SPTB: variants seen among roughly 807,000 people sequenced by gnomAD.
SPTB encodes the protein spectrin beta, erythrocytic.
A neutral mutation model predicts 256.2 loss-of-function variants in SPTB; 45 were observed. The observed-to-expected ratio is 0.18, with a 90% CI of 0.14 to 0.23. The LOEUF (loss-of-function observed/expected upper bound fraction) is 0.23, where lower values mean the gene tolerates loss of function less well. Among genes scored for constraint, SPTB ranks in the 10% least tolerant of loss-of-function variants. The pLI is 1.00. For missense variants in SPTB, 2,715 were observed against 3,040.4 expected (o/e 0.89, Z 2.52); for synonymous variants, 1,231 against 1,243.1 (o/e 0.99, Z 0.21).
At chr14:64,761,992 C>T (rs57066030) in intron 32 of SPTB, among the ~76,000 whole-genome samples, 9,086 of 152,088 alleles carry the variant, frequency 0.06, 950 homozygotes, top group African/African-American at 0.21. Flanking sequence ...TAGGAAGAGT[C>T]GTCAGAACAG....
Position 64,791,761 on chromosome 14 carries a change from C to T in SPTB, c.2762G>A (p.Arg921His), listed in dbSNP as rs147984790. 3.9e-5 allele frequency: 63 copies of T among 1,613,922 alleles called. No homozygotes were observed. The highest frequency in any genetic ancestry group is 4.9e-5 in the Non-Finnish European group (58 of 1,179,994). ...CTGGTACTGCTTCACCTCCCTGCTG[C>T]GTGGGTGGCCACTCTCTACCAAGCT... The part of the protein sequence containing the change: ...ANSLVESGHP[R>H]SREVKQYQDH... The change falls in exon 15 of 36, where the codon CGC (arginine) becomes CAC (histidine). Residue 921 changes from arginine (R) to histidine (H), a missense_variant. Physicochemically the swap from Arg to His is conservative, Grantham distance 29. Around this residue, in one of 4 missense-constraint regions of SPTB, gnomAD observed 2,239 missense variants for 2,384.4 expected, o/e 0.94. Transcript: ENST00000644917.
intron 1 of SPTB, among the ~76,000 whole-genome samples, chr14:64,858,580 G>A (rs1228688488): frequency 2.0e-5 from 3 of 152,062 alleles, no homozygotes; most frequent in Non-Finnish European, 4.4e-5. Flanking sequence ...CAAGTGAGTA[G>A]GAGAAAGCAG....
At chr14:64,871,968 T>G (rs1185118709) in intron 1 of SPTB, among the ~76,000 whole-genome samples, 1 of 152,220 alleles carries the variant, frequency 6.6e-6, no homozygotes, top group Non-Finnish European at 1.5e-5. Context: ...CTCCATCACA[T>G]AGTATAAACG....
intron 1 of SPTB, among the ~76,000 whole-genome samples, chr14:64,860,179 G>A (rs4899149): frequency 0.032 from 4,832 of 152,274 alleles, 190 homozygotes; most frequent in African/African-American, 0.08. Context: ...CAATCCCCCA[G>A]TGACATGAAC....
rs746295408 is a variant in SPTB, at chr14:64,750,124, C to G, written c.6633G>C (p.Arg2211Ser). The G allele has an allele frequency of 1.2e-6, 2 of 1,613,996 alleles. No homozygotes were observed. The highest frequency in any genetic ancestry group is 2.2e-5 in the East Asian group (1 of 44,892). Residue 2211 changes from arginine to serine, a missense_variant, in exon 34 of 36, where the codon AGG becomes AGC. By Grantham distance (110) the Arg-to-Ser change is moderately radical. Around this residue, in one of 4 missense-constraint regions of SPTB, gnomAD observed 2,239 missense variants for 2,384.4 expected, o/e 0.94. Transcript: ENST00000644917. ...RSWNNLYCVL[R>S]NSELTFYKDA... ...CCTTGTAGAAGGTTAGCTCACTGTTCCTGAGCACACAGTACAGGTTGTTCC... is the reference window on the plus strand; with the variant it reads ...CCTTGTAGAAGGTTAGCTCACTGTTGCTGAGCACACAGTACAGGTTGTTCC...
rs1022676970 is a variant in SPTB at position 64,758,392 on chromosome 14, G to A, written c.6346-4599C>T. Among the ~76,000 whole-genome samples, 4 of 152,250 alleles carry A rather than the reference G, an allele frequency of 2.6e-5. No homozygotes were observed. The highest frequency in any genetic ancestry group is 7.2e-5 in the African/African-American group (3 of 41,480). Reference sequence around the variant, plus strand: ...GAGAAGCCATGTGAACAGGTAAGCAGTGCAGGAGGGCCTGAGGCCCCACCC... The same window carrying A: ...GAGAAGCCATGTGAACAGGTAAGCAATGCAGGAGGGCCTGAGGCCCCACCC... On this transcript the variant is annotated intron_variant, in intron 32 of 35. Transcript: ENST00000644917. This position sits in a 1 kb window ranked among gnomAD's most constrained non-coding sequence, Gnocchi z 4.6.
rs750365417 is a variant in SPTB, at chr14:64,795,459, G to A, written c.1522C>T (p.Arg508Cys). 74 of 1,614,074 alleles carry A rather than the reference G, an allele frequency of 4.6e-5. No individual in the cohort carries two copies. The highest frequency in any genetic ancestry group is 6.7e-5 in the East Asian group (3 of 44,896). ...AGCTCCTGCAGGTAGCTCCATAGGC[G>A]CAGTATATTGTCCTTGCGGGCCGTG... is the stretch of plus-strand genomic sequence containing the variant. ...RITARKDNIL[R>C]LWSYLQELLQ... The change falls in exon 12 of 36, where the codon CGC becomes TGC. Residue 508 changes from arginine (R) to cysteine (C), a missense_variant. Coordinates refer to ENST00000644917, the MANE Select transcript of SPTB (RefSeq NM_001355436.2). The surrounding 1 kb of genome is among the most constrained non-coding windows in gnomAD (Gnocchi z 6.5).
In SPTB at chr14:64,775,280, G is replaced by A; in HGVS notation, c.4687C>T (p.Gln1563Ter). The change falls in exon 23 of 36, where the codon CAG becomes TAG. Residue 1563 changes from glutamine to a stop codon, truncating the protein, a stop_gained. Transcript: ENST00000644917. LOFTEE classifies it high-confidence loss of function. The surrounding 1 kb of genome is among the most constrained non-coding windows in gnomAD (Gnocchi z 5.0). ...TCCCGCAGCCTGTCCCAGGAGCTCT[G>A]CAGGTGCCCCAGGCGCTCCTCAAGG... ...QDLEERLGHL[Q>*]SSWDRLREAA... The A allele has an allele frequency of 6.2e-7, 1 of 1,613,582 alleles. No individual in the cohort carries two copies. Among genetic ancestry groups the A allele is most frequent in the Non-Finnish European group, 8.5e-7 (1 of 1,179,992 alleles).
chr14:64,833,420 G>T (rs188154108), intron 1 of SPTB, among the ~76,000 whole-genome samples: 5 of 151,954 alleles, frequency 3.3e-5, no homozygotes, highest in African/African-American at 9.7e-5. Flanking sequence ...GCATGGTGGC[G>T]CACACCTGTA....
rs1488583612 is a variant in SPTB at position 64,853,468 on chromosome 14, T to C, written c.-52+26324A>G. 6.6e-6 allele frequency among the ~76,000 whole-genome samples: 1 copy of C among 152,204 alleles called. No homozygotes were observed. The highest frequency in any genetic ancestry group is 1.5e-5 in the Non-Finnish European group (1 of 68,036). Reference sequence around the variant, plus strand: ...TCCAGAAGCAAGGAGCAAACAACACTGTCCCATATCCCAGAGAGCCTTAGT... The same window carrying C: ...TCCAGAAGCAAGGAGCAAACAACACCGTCCCATATCCCAGAGAGCCTTAGT... On this transcript the variant is annotated intron_variant, in intron 1 of 35. Transcript: ENST00000644917. The surrounding 1 kb of genome is among the most constrained non-coding windows in gnomAD (Gnocchi z 4.3).
intron 24 of SPTB, 35 bp from the exon 25 acceptor site, chr14:64,773,459 G>A (rs750208972): frequency 1.9e-6 from 3 of 1,608,072 alleles, no homozygotes; most frequent in Non-Finnish European, 8.5e-7. Flanking sequence ...CTCAGAGACG[G>A]CAGCCACGAA....
At chr14:64,767,627 A>T in intron 30 of SPTB, 36 bp downstream of exon 30, 1 of 1,611,446 alleles carries the variant, frequency 6.2e-7, no homozygotes, top group Non-Finnish European at 8.5e-7. Context: ...CACAGTTGCC[A>T]CCCTCCTGAG....
chr14:64,785,405 C>T lies in SPTB; in HGVS notation c.3855+132G>A, dbSNP rs549453816. The stretch of plus-strand genomic sequence containing the variant: ...TCCAGAGAATGACCCAATTAAGTAC[C>T]CAGAGGTCCCCGCTCATGGAATCCC... On this transcript the variant is annotated intron_variant, in intron 18 of 35. Coordinates refer to ENST00000644917, the MANE Select transcript of SPTB (RefSeq NM_001355436.2). This position sits in a 1 kb window ranked among gnomAD's most constrained non-coding sequence, Gnocchi z 4.4. The T allele has an allele frequency of 3.8e-6, 3 of 795,838 alleles. No homozygotes were observed. Among genetic ancestry groups the T allele is most frequent in the East Asian group, 2.7e-5 (1 of 37,392 alleles). The allele number at this position is 795,838 out of a possible 1,614,324, so 49.3% of individuals were successfully genotyped here. A position where few individuals can be genotyped will look rare whatever the true frequency, so the allele number is the denominator to read the frequency against.
Position 64,774,543 on chromosome 14 carries a change from C to T in SPTB, c.4843-16G>A, listed in dbSNP as rs760223264. 67 of 1,552,134 alleles carry T rather than the reference C, an allele frequency of 4.3e-5. No individual in the cohort carries two copies. Among genetic ancestry groups the T allele is most frequent in the South Asian group, 2.6e-4 (22 of 84,118 alleles). On this transcript the variant is annotated splice_polypyrimidine_tract_variant and intron_variant, in intron 23 of 35. Transcript: ENST00000644917. ...CCTCTTCATCCTAGGAGGCAGCAGA[C>T]GGTCAGCGCCAGAGCTCAGTCTGGC...
Position 64,826,554 on chromosome 14 carries a change from T to C in SPTB, c.-51-3409A>G, listed in dbSNP as rs1033328783. On this transcript the variant is annotated intron_variant, in intron 1 of 35. Transcript: ENST00000644917. The surrounding 1 kb of genome is among the most constrained non-coding windows in gnomAD (Gnocchi z 4.4). ...TCCATGAGTCACGGAGGACCGCAAA[T>C]ACATGGCTAAAATTAGATCTTAAAT... Among the ~76,000 whole-genome samples, 17 of 152,134 alleles carry C rather than the reference T, an allele frequency of 1.1e-4. No homozygotes were observed. Among genetic ancestry groups the C allele is most frequent in the African/African-American group, 4.1e-4 (17 of 41,434 alleles).
chr14:64,764,949 C>G lies in SPTB; in HGVS notation c.6345+1777G>C, dbSNP rs111229352. On this transcript the variant is annotated intron_variant, in intron 32 of 35. Transcript: ENST00000644917. This position sits in a 1 kb window ranked among gnomAD's most constrained non-coding sequence, Gnocchi z 4.2. ...TTCAGCAGGAGCCCAGCAGTGCCCT[C>G]TGCTGGGCATGGTGGGCTGGTGCAG... 1.3e-5 allele frequency among the ~76,000 whole-genome samples: 2 copies of G among 152,062 alleles called. No individual in the cohort carries two copies. Among genetic ancestry groups the G allele is most frequent in the African/African-American group, 4.8e-5 (2 of 41,468 alleles).
At chr14:64,868,265 T>C (rs1381141781) in intron 1 of SPTB, among the ~76,000 whole-genome samples, 2 of 151,964 alleles carry the variant, frequency 1.3e-5, no homozygotes, top group African/African-American at 4.8e-5. Flanking sequence ...AGAAAGAAAC[T>C]AATTTGAAAA....
Position 64,802,537 on chromosome 14 carries a change from G to A in SPTB, c.475-220C>T, listed in dbSNP as rs79267305. ...TCTCCTAGATGCTCCCTGAGCCCAG[G>A]GAAATCTGTCTTGGTCACTTGTCTG... On this transcript the variant is annotated intron_variant, in intron 4 of 35. Transcript: ENST00000644917. This position sits in a 1 kb window ranked among gnomAD's most constrained non-coding sequence, Gnocchi z 5.1. 6.4e-4 allele frequency among the ~76,000 whole-genome samples: 98 copies of A among 152,210 alleles called. No individual in the cohort carries two copies. The East Asian group carries it at 0.016, about 25-fold the overall frequency.
intron 27 of SPTB, 74 bp downstream of exon 27, chr14:64,770,811 G>C: frequency 6.2e-7 from 1 of 1,607,936 alleles, no homozygotes; most frequent in African/African-American, 1.3e-5. Flanking sequence ...AGGAGCCACA[G>C]TGCAGCACCC....
Sources: gnomAD v4.1 joint callset for allele counts (sites outside exome capture counted in the v4.1 genomes callset) on GRCh38, gnomAD v4.1.1 for gene constraint, gnomAD v4.1.1 regional missense constraint, Gnocchi (gnomAD v3.1) non-coding constraint, MANE v1.5 for transcripts, NCBI Gene and HGNC (gene_info 2026-07-23, HGNC 2026-07-21) for gene names.